The following CFAP54 variants were observed in gnomAD, a reference collection of about 807,000 sequenced individuals.
The protein encoded by CFAP54 is cilia- and flagella-associated protein 54.
CFAP54 carries 290 observed loss-of-function variants against 370.4 expected under a neutral mutation model. The ratio of observed to expected loss-of-function variants is 0.78; its 90% CI spans 0.71 to 0.86. CFAP54 has a LOEUF of 0.86. Among genes scored for constraint, CFAP54 ranks in the 40% least tolerant of loss-of-function variants. CFAP54 has a pLI of 0.00. For synonymous variants in CFAP54, 1,206 were observed against 1,236.5 expected (o/e 0.98, Z 0.52); for missense variants, 3,399 against 3,528.7 (o/e 0.96, Z 0.93).
intron 61 of CFAP54, among the ~76,000 whole-genome samples, chr12:96,786,125 A>C (rs1958626292): frequency 6.6e-6 from 1 of 152,120 alleles, no homozygotes; most frequent in Non-Finnish European, 1.5e-5. Flanking sequence ...AGGTACATGG[A>C]ATGTATGGCA....
chr12:96,591,210 C>G (rs149326768), intron 23 of CFAP54, among the ~76,000 whole-genome samples: 321 of 152,234 alleles, frequency 2.1e-3, no homozygotes, highest in African/African-American at 7.3e-3. Flanking sequence ...GGCAGAGCAG[C>G]TGCTCAATAA....
chr12:96,796,334 G>A (rs1361603654), intron 63 of CFAP54, among the ~76,000 whole-genome samples: 1 of 152,124 alleles, frequency 6.6e-6, no homozygotes, highest in Non-Finnish European at 1.5e-5. Flanking sequence ...CTTGTCAGAT[G>A]TTTTTCATAT....
At chr12:96,746,121 T>C (rs1357353526) in intron 55 of CFAP54, among the ~76,000 whole-genome samples, 1 of 152,184 alleles carries the variant, frequency 6.6e-6, no homozygotes, top group African/African-American at 2.4e-5. Flanking sequence ...CTGTCCTTCC[T>C]GGGGACCTTG....
At chr12:96,684,254 A>G (rs1451502549) in intron 40 of CFAP54, among the ~76,000 whole-genome samples, 1 of 152,154 alleles carries the variant, frequency 6.6e-6, no homozygotes, top group East Asian at 1.9e-4. Context: ...GGCCCTCAGA[A>G]TCTGACCACT....
intron 17 of CFAP54, among the ~76,000 whole-genome samples, chr12:96,557,169 G>C (rs1955762785): frequency 6.6e-6 from 1 of 152,046 alleles, no homozygotes; most frequent in Admixed American, 6.6e-5. Context: ...TGCATTCTTT[G>C]GCTCATGACC....
Position 96,684,846 on chromosome 12 carries a change from A to G in CFAP54, c.5804+111A>G, listed in dbSNP as rs142051849. On this transcript the variant is annotated intron_variant, in intron 41 of 67. Transcript: ENST00000524981. ...TCATAAATTTTAGTTCTTCAACAAT[A>G]CTACATTGCTACATTTTATTCATCA... is the stretch of plus-strand genomic sequence containing the variant. 4.0e-5 allele frequency: 40 copies of G among 1,006,398 alleles called. No homozygotes were observed. The African/African-American group carries it at 4.2e-4, about 11-fold the overall frequency. 62.3% of individuals were successfully genotyped at this position (1,006,398 alleles called of 1,614,324 possible). A position where few individuals can be genotyped will look rare whatever the true frequency, so the allele number is the denominator to read the frequency against.
intron 1 of CFAP54, among the ~76,000 whole-genome samples, chr12:96,494,687 G>T (rs1398324262): frequency 6.6e-6 from 1 of 152,058 alleles, no homozygotes; most frequent in East Asian, 1.9e-4. Context: ...AGTACAGGAG[G>T]TAGGAGTTGC....
chr12:96,612,435 T>A (rs1010765214), intron 26 of CFAP54, among the ~76,000 whole-genome samples: 2 of 152,148 alleles, frequency 1.3e-5, no homozygotes, highest in African/African-American at 2.4e-5. Flanking sequence ...TGCAAAAACA[T>A]GCCAAATTGT....
chr12:96,874,624 TTTATTTTA>T (rs1398746913), intron 67 of CFAP54, among the ~76,000 whole-genome samples: 25,090 of 41,938 alleles, frequency 0.6, 9,815 homozygotes, highest in East Asian at 0.82. Flanking sequence ...TTTTTTTATT[TTTATTTTA>T]TTTTTTTTTT....
intron 50 of CFAP54, among the ~76,000 whole-genome samples, chr12:96,734,526 T>C (rs1005887159): frequency 1.3e-5 from 2 of 152,232 alleles, no homozygotes; most frequent in African/African-American, 4.8e-5. Flanking sequence ...TTAACCCTTA[T>C]AATAATCTCA....
intron 22 of CFAP54, among the ~76,000 whole-genome samples, chr12:96,586,300 C>G (rs1956075806): frequency 6.6e-6 from 1 of 152,008 alleles, no homozygotes; most frequent in South Asian, 2.1e-4. Flanking sequence ...AACTGCTGTT[C>G]TAAGCAACGT....
chr12:96,534,349 A>C (rs1955479646), intron 11 of CFAP54, 122 bp downstream of exon 11: 1 of 612,948 alleles, frequency 1.6e-6, no homozygotes, highest in Non-Finnish European at 2.7e-6. Context: ...CTGAGACAAG[A>C]GTGTGTTTGG....
At chr12:96,742,276 AT>A (rs1450163684) in intron 51 of CFAP54, among the ~76,000 whole-genome samples, 162 bp from the exon 52 acceptor site, 1 of 152,162 alleles carries the variant, frequency 6.6e-6, no homozygotes, top group African/African-American at 2.4e-5. Flanking sequence ...TGTTTTGAAT[AT>A]TTTTTATATT....
At chr12:96,697,150 G>C (rs1197733550) in intron 45 of CFAP54, among the ~76,000 whole-genome samples, 4 of 152,162 alleles carry the variant, frequency 2.6e-5, no homozygotes, top group African/African-American at 9.7e-5. Context: ...TCTTTTTGCT[G>C]TCTGGCTTGT....
In CFAP54 at chr12:96,772,428, T is replaced by A. The variant is rs1958472023; in HGVS notation, c.8281+7210T>A. On this transcript the variant is annotated intron_variant, in intron 60 of 67. Coordinates refer to ENST00000524981, the MANE Select transcript of CFAP54 (RefSeq NM_001306084.2). ...CCTTGGCTCATGGCCCCTCCCTTTA[T>A]CTTCCAAGCCAGCAGCGTAGCATCT... is the stretch of plus-strand genomic sequence containing the variant. Among the ~76,000 whole-genome samples the A allele has an allele frequency of 2.6e-5, 4 of 152,124 alleles. No individual in the cohort carries two copies. In the South Asian group the frequency reaches 8.3e-4, roughly 32 times the overall value.
At chr12:96,601,998 G>A (rs1377331858) in intron 26 of CFAP54, among the ~76,000 whole-genome samples, 2 of 152,058 alleles carry the variant, frequency 1.3e-5, no homozygotes, top group Non-Finnish European at 2.9e-5. Context: ...TCTTCTGCTA[G>A]CTTTTGAATG....
intron 66 of CFAP54, among the ~76,000 whole-genome samples, chr12:96,838,005 C>G (rs1013736061): frequency 3.3e-5 from 5 of 152,166 alleles, no homozygotes; most frequent in East Asian, 1.9e-4. Flanking sequence ...TCACTAGTTC[C>G]CTCTATGAAG....
chr12:96,821,446 C>T (rs1959033043), intron 65 of CFAP54, among the ~76,000 whole-genome samples: 1 of 152,070 alleles, frequency 6.6e-6, no homozygotes, highest in Admixed American at 6.6e-5. Flanking sequence ...TCTTTTCACT[C>T]TTAATGTTCT....
intron 3 of CFAP54, among the ~76,000 whole-genome samples, chr12:96,505,443 G>T (rs892958874): frequency 6.6e-6 from 1 of 151,220 alleles, no homozygotes; most frequent in East Asian, 2.0e-4. Flanking sequence ...AAATTCCTTG[G>T]AATACATGGA....
Sources: gnomAD v4.1 joint callset for allele counts (sites outside exome capture counted in the v4.1 genomes callset) on GRCh38, gnomAD v4.1.1 for gene constraint, MANE v1.5 for transcripts, NCBI Gene and HGNC (gene_info 2026-07-23, HGNC 2026-07-21) for gene names.